The following STRBP variants were observed in gnomAD, a reference collection of about 807,000 sequenced individuals.
The protein encoded by STRBP is spermatid perinuclear RNA binding protein.
A neutral mutation model predicts 80.1 loss-of-function variants in STRBP; 13 were observed. The ratio of observed to expected loss-of-function variants is 0.16; its 90% CI spans 0.11 to 0.26. The LOEUF is 0.26. Ranked by LOEUF, STRBP falls within the 10% of genes least tolerant of loss-of-function variation. STRBP has a pLI of 1.00. For synonymous variants in STRBP, 284 were observed against 291.2 expected, an observed-to-expected ratio of 0.98 and a Z score of 0.25; for missense variants, 485 against 815.2, an observed-to-expected ratio of 0.59 and a Z score of 4.93.
At chr9:123,225,725 T>C (rs1011634526) in intron 2 of STRBP, among the ~76,000 whole-genome samples, 3 of 152,220 alleles carry the variant, frequency 2.0e-5, no homozygotes, top group African/African-American at 7.2e-5. Flanking sequence ...TCCTGGATGC[T>C]AACTTCTCAG....
At chr9:123,261,725 A>T (rs1425352759) in intron 1 of STRBP, among the ~76,000 whole-genome samples, 3 of 152,316 alleles carry the variant, frequency 2.0e-5, no homozygotes, top group African/African-American at 7.2e-5. Flanking sequence ...TACTTCAAAA[A>T]CAACCGAAAA....
At chr9:123,251,725 CAA>C (rs2040921808) in intron 1 of STRBP, among the ~76,000 whole-genome samples, 1 of 152,156 alleles carries the variant, frequency 6.6e-6, no homozygotes, top group Admixed American at 6.5e-5. Context: ...CTAAACAGAA[CAA>C]GAGAAACAAT....
At chr9:123,177,040 T>A (rs1476571106) in intron 4 of STRBP, among the ~76,000 whole-genome samples, 3 of 152,168 alleles carry the variant, frequency 2.0e-5, no homozygotes, top group Non-Finnish European at 4.4e-5. Context: ...CCCCCACCCA[T>A]CTCTGTGTCC....
chr9:123,177,693 C>T (rs772813009), intron 4 of STRBP, among the ~76,000 whole-genome samples: 15 of 152,012 alleles, frequency 9.9e-5, no homozygotes, highest in Admixed American at 2.0e-4. Context: ...CCAAAATATG[C>T]CAGGCTTGAG....
intron 2 of STRBP, among the ~76,000 whole-genome samples, chr9:123,204,691 G>A (rs542168977): frequency 2.6e-4 from 40 of 151,956 alleles, no homozygotes; most frequent in Non-Finnish European, 5.3e-4. Flanking sequence ...GCCGAAGTGG[G>A]TGGATCACAA....
intron 2 of STRBP, among the ~76,000 whole-genome samples, chr9:123,197,752 G>A (rs987618978): frequency 7.8e-6 from 1 of 128,242 alleles, no homozygotes; most frequent in African/African-American, 3.0e-5. Context: ...TCAGCTCACT[G>A]CAACCTCCAC....
chr9:123,243,641 A>C (rs1180722261), intron 1 of STRBP, among the ~76,000 whole-genome samples: 1 of 124,468 alleles, frequency 8.0e-6, no homozygotes, highest in Non-Finnish European at 1.6e-5. Context: ...AAATTAAAAA[A>C]CAAGAATCCA....
intron 2 of STRBP, among the ~76,000 whole-genome samples, chr9:123,222,661 G>C (rs1042959712): frequency 5.2e-4 from 79 of 152,148 alleles, no homozygotes; most frequent in Non-Finnish European, 1.5e-5. Context: ...TCCTTGGAAA[G>C]GCATACTCTT....
chr9:123,117,951 C>T (rs1360057581), downstream of STRBP, among the ~76,000 whole-genome samples: 2 of 152,180 alleles, frequency 1.3e-5, no homozygotes, highest in Non-Finnish European at 2.9e-5. Context: ...TATGTTAAAT[C>T]GTTCTTCACA....
intron 2 of STRBP, among the ~76,000 whole-genome samples, chr9:123,190,983 C>G (rs1253757903): frequency 6.6e-6 from 1 of 152,172 alleles, no homozygotes; most frequent in Non-Finnish European, 1.5e-5. Context: ...CCTGTAATAT[C>G]CCAGGCACTG....
intron 3 of STRBP, chr9:123,114,813 T>G: frequency 4.3e-6 from 1 of 234,486 alleles, no homozygotes; most frequent in Non-Finnish European, 9.1e-6. Context: ...CCCGGATGGG[T>G]GCTATTGTTC....
rs1046491936 is a variant in STRBP at position 123,123,627 on chromosome 9, G to A, written c.*1970C>T. ...CTCCCTTTTCACCATTACAGAGCGC[G>A]TGAGTTATGAAGCAGAGTCAGCTAC... On this transcript the variant is annotated 3_prime_UTR_variant, in exon 19 of 19. Transcript: ENST00000348403. 37 of 985,038 alleles carry A rather than the reference G, an allele frequency of 3.8e-5. No homozygotes were observed. In the African/African-American group the frequency reaches 5.1e-4, roughly 14 times the overall value. 61.0% of individuals were successfully genotyped at this position (985,038 alleles called of 1,614,324 possible). A position where few individuals can be genotyped will look rare whatever the true frequency, so the allele number is the denominator to read the frequency against.
chr9:123,157,957 T>C, intron 11 of STRBP, 55 bp downstream of exon 11: 1 of 1,211,496 alleles, frequency 8.3e-7, no homozygotes, highest in South Asian at 1.2e-5. Context: ...ATGAATCCCA[T>C]GATTATCTCT....
intron 2 of STRBP, among the ~76,000 whole-genome samples, chr9:123,227,528 T>C (rs2040273264): frequency 6.6e-6 from 1 of 151,584 alleles, no homozygotes; most frequent in African/African-American, 2.4e-5. Flanking sequence ...AAAATGCATA[T>C]GATCTGACAT....
downstream of STRBP, among the ~76,000 whole-genome samples, chr9:123,119,697 C>T (rs1031539836): frequency 4.6e-5 from 7 of 152,152 alleles, no homozygotes; most frequent in Admixed American, 4.6e-4. Context: ...CACGTTCATC[C>T]TCACCTCGGC....
intron 3 of STRBP, among the ~76,000 whole-genome samples, chr9:123,183,898 T>C (rs2038593957): frequency 6.6e-6 from 1 of 152,220 alleles, no homozygotes. Context: ...CATTTCCTCC[T>C]TTGTTTTAAT....
chr9:123,263,398 G>C (rs2041198511), intron 1 of STRBP, among the ~76,000 whole-genome samples: 1 of 151,900 alleles, frequency 6.6e-6, no homozygotes, highest in Admixed American at 6.6e-5. Flanking sequence ...GGTGGCACAT[G>C]CCTGTAGTCC....
chr9:123,203,986 AC>A (rs1472527076), intron 2 of STRBP, among the ~76,000 whole-genome samples: 3 of 129,604 alleles, frequency 2.3e-5, no homozygotes, highest in Admixed American at 7.7e-5. Flanking sequence ...AAACAAAAAA[AC>A]AAAACAAACA....
At chr9:123,129,705 G>A (rs918059696) in intron 17 of STRBP, among the ~76,000 whole-genome samples, 3 of 152,312 alleles carry the variant, frequency 2.0e-5, no homozygotes, top group South Asian at 2.1e-4. Flanking sequence ...GGCAGTCACT[G>A]GGGCAGAGGC....
Sources: gnomAD v4.1 joint callset for allele counts (sites outside exome capture counted in the v4.1 genomes callset) on GRCh38, gnomAD v4.1.1 for gene constraint, MANE v1.5 for transcripts, NCBI Gene and HGNC (gene_info 2026-07-23, HGNC 2026-07-21) for gene names.